The following CCDC83 variants were observed in gnomAD, a reference collection of about 807,000 sequenced individuals.
CCDC83 encodes the protein coiled-coil domain containing 83, also known as coiled-coil domain-containing protein 83.
Under a neutral mutation model 50.1 loss-of-function variants are expected in CCDC83, and 54 were observed. That is an observed-to-expected ratio of 1.08 (90% CI 0.87 to 1.35). The LOEUF (loss-of-function observed/expected upper bound fraction) is 1.35, where lower values mean the gene tolerates loss of function less well. CCDC83 is among the 40% of genes most tolerant of loss of function. The probability of loss-of-function intolerance (pLI) is 0.00; values close to 1 mark genes in which losing one functional copy is unlikely to be tolerated. For synonymous variants in CCDC83, 161 were observed against 153.3 expected (o/e 1.05, Z -0.37); for missense variants, 518 against 473.9 (o/e 1.09, Z -0.86).
intron 1 of CCDC83, among the ~76,000 whole-genome samples, chr11:85,856,950 T>C (rs2093144968): frequency 2.0e-5 from 3 of 152,240 alleles, no homozygotes; most frequent in Admixed American, 1.3e-4. Context: ...ACATGTGTTC[T>C]GTGCAATCTC....
At position 85,919,545 on chromosome 11, in the gene CCDC83, T is replaced by C. The variant is rs768590768; in HGVS notation, c.*35T>C. Reference sequence around the variant, plus strand: ...CTGCAAAGGAAACACAACTTTTCCTTATAAATGTTCTTTGGGAACTGAAGT... The same window carrying C: ...CTGCAAAGGAAACACAACTTTTCCTCATAAATGTTCTTTGGGAACTGAAGT... On this transcript the variant is annotated 3_prime_UTR_variant, in exon 11 of 11. Transcript: ENST00000342404. 7.2e-6 allele frequency: 11 copies of C among 1,534,822 alleles called. No individual in the cohort carries two copies. The South Asian group carries it at 8.3e-5, about 12-fold the overall frequency.
chr11:85,862,260 T>C (rs1161508298), intron 1 of CCDC83, among the ~76,000 whole-genome samples: 1 of 152,132 alleles, frequency 6.6e-6, no homozygotes, highest in Non-Finnish European at 1.5e-5. Context: ...ATGGAGTAGA[T>C]TCTGGAAAGG....
Position 85,855,768 on chromosome 11 carries a change from C to T in CCDC83, c.-29+184C>T, listed in dbSNP as rs150423755. On this transcript the variant is annotated intron_variant, in intron 1 of 10. Transcript: ENST00000342404. ...AGGAAACAGGTCAGAGGTTCAGAGA[C>T]TTGGCCTAGGTTATACAACTCTGTG... 8.5e-5 allele frequency among the ~76,000 whole-genome samples: 13 copies of T among 152,290 alleles called. No individual in the cohort carries two copies. In the East Asian group the frequency reaches 2.5e-3, roughly 29 times the overall value.
At chr11:85,878,457 T>A (rs2093280541) in intron 3 of CCDC83, among the ~76,000 whole-genome samples, 1 of 152,242 alleles carries the variant, frequency 6.6e-6, no homozygotes, top group African/African-American at 2.4e-5. Context: ...GGTACTTGGC[T>A]TTTTAAAATT....
intron 4 of CCDC83, among the ~76,000 whole-genome samples, chr11:85,883,738 A>G (rs1273727099): frequency 6.6e-6 from 1 of 152,208 alleles, no homozygotes; most frequent in Non-Finnish European, 1.5e-5. Flanking sequence ...GCCCTTAGGA[A>G]ATCCACGTAT....
intron 2 of CCDC83, among the ~76,000 whole-genome samples, chr11:85,867,375 TA>T (rs112777399): frequency 0.14 from 21,367 of 152,134 alleles, 1,814 homozygotes; most frequent in Middle Eastern, 0.2. Flanking sequence ...GGATTTATTT[TA>T]AAAAATGTAC....
At chr11:85,893,250 T>C (rs1361578387) in intron 5 of CCDC83, among the ~76,000 whole-genome samples, 1 of 152,238 alleles carries the variant, frequency 6.6e-6, no homozygotes, top group Non-Finnish European at 1.5e-5. Flanking sequence ...TGAAAAGATA[T>C]GGAAGAGAAG....
chr11:85,882,370 A>G (rs1592155182), intron 3 of CCDC83, 143 bp from the exon 4 acceptor site: 1 of 692,838 alleles, frequency 1.4e-6, no homozygotes, highest in East Asian at 2.5e-5. Context: ...ATACCACCTC[A>G]TAATGTCTGA....
intron 6 of CCDC83, among the ~76,000 whole-genome samples, chr11:85,898,156 CAAA>C (rs776679919): frequency 3.2e-5 from 4 of 125,312 alleles, no homozygotes; most frequent in Admixed American, 8.4e-5. Flanking sequence ...GACTCCATCT[CAAA>C]AAAAAAAAAA....
At chr11:85,863,602 AAGTCT>A (rs2093190224) in intron 1 of CCDC83, among the ~76,000 whole-genome samples, 1 of 152,242 alleles carries the variant, frequency 6.6e-6, no homozygotes, top group Admixed American at 6.5e-5. Context: ...GCCTGACTGG[AAGTCT>A]GAGTGTGCAG....
intron 5 of CCDC83, among the ~76,000 whole-genome samples, chr11:85,891,602 A>G (rs986512838): frequency 3.3e-5 from 5 of 152,182 alleles, no homozygotes; most frequent in African/African-American, 4.8e-5. Flanking sequence ...TTCTTTGTAC[A>G]CTAACAGTGA....
intron 10 of CCDC83, among the ~76,000 whole-genome samples, chr11:85,918,167 G>T (rs149013018): frequency 6.6e-6 from 1 of 152,118 alleles, no homozygotes; most frequent in Non-Finnish European, 1.5e-5. Context: ...CAACATGCCA[G>T]GTCCTTGTTA....
intron 2 of CCDC83, among the ~76,000 whole-genome samples, chr11:85,866,277 G>T (rs1001210887): frequency 6.6e-6 from 1 of 152,146 alleles, no homozygotes; most frequent in African/African-American, 2.4e-5. Flanking sequence ...AAATACTTGG[G>T]TGTTTACCAA....
intron 5 of CCDC83, among the ~76,000 whole-genome samples, chr11:85,893,667 G>A (rs2093359916): frequency 6.6e-6 from 1 of 152,172 alleles, no homozygotes; most frequent in African/African-American, 2.4e-5. Flanking sequence ...TACCGTCTGA[G>A]CTCCGCCTCC....
intron 1 of CCDC83, among the ~76,000 whole-genome samples, chr11:85,858,673 C>T (rs2093156864): frequency 6.6e-6 from 1 of 152,184 alleles, no homozygotes; most frequent in African/African-American, 2.4e-5. Context: ...GTCAGTCCTT[C>T]CTTAGCCTGG....
chr11:85,857,104 T>C (rs1245137328), intron 1 of CCDC83, among the ~76,000 whole-genome samples: 1 of 152,160 alleles, frequency 6.6e-6, no homozygotes. Flanking sequence ...CAAACTGCCC[T>C]ACAAAGTCAC....
Position 85,919,369 on chromosome 11 carries a change from C to T in CCDC83, c.1101C>T (p.Pro367=), listed in dbSNP as rs1405573881. ...CATAGGATTATGTAAACTTGGGCCC[C>T]CTGGGAGTGAAGCTTATGAGTGTGG... ...KDFKDYVNLG[P]LGVKLMSVES... is the part of the protein sequence containing the mutation. Residue 367 remains proline, a synonymous_variant, in exon 11 of 11, where the codon CCC becomes CCT. Coordinates refer to ENST00000342404, the MANE Select transcript of CCDC83 (RefSeq NM_001286159.2). 1.9e-6 allele frequency: 3 copies of T among 1,607,466 alleles called. No homozygotes were observed. Among genetic ancestry groups the T allele is most frequent in the Admixed American group, 1.7e-5 (1 of 57,414 alleles).
At chr11:85,868,168 T>TGAA (rs1251896753) in intron 2 of CCDC83, among the ~76,000 whole-genome samples, 1 of 152,240 alleles carries the variant, frequency 6.6e-6, no homozygotes, top group East Asian at 1.9e-4. Flanking sequence ...TGGTTGTTTG[T>TGAA]GAAGAGCTGA....
At chr11:85,895,867 G>A (rs1308313023) in intron 6 of CCDC83, among the ~76,000 whole-genome samples, 1 of 152,116 alleles carries the variant, frequency 6.6e-6, no homozygotes, top group Non-Finnish European at 1.5e-5. Flanking sequence ...AGGCTGGAGT[G>A]CAGCGGCACA....
Sources: gnomAD v4.1 joint callset for allele counts (sites outside exome capture counted in the v4.1 genomes callset) on GRCh38, gnomAD v4.1.1 for gene constraint, MANE v1.5 for transcripts, NCBI Gene and HGNC (gene_info 2026-07-23, HGNC 2026-07-21) for gene names.